Variants in MUSTN1 observed in about 807,000 individuals in gnomAD.
The protein encoded by MUSTN1 is musculoskeletal embryonic nuclear protein 1.
In MUSTN1, 14 loss-of-function variants were observed where a neutral mutation model predicts 11.8. That is an observed-to-expected ratio of 1.18 (90% CI 0.78 to 1.85). MUSTN1 has a LOEUF of 1.85. Ranked by LOEUF, MUSTN1 falls within the 40% of genes most tolerant of loss-of-function variation. The pLI, the probability that MUSTN1 is intolerant of heterozygous loss-of-function variation, is 0.00. For missense variants in MUSTN1, 111 were observed against 108.8 expected, an observed-to-expected ratio of 1.02 and a Z score of -0.09; for synonymous variants, 42 against 43.3, an observed-to-expected ratio of 0.97 and a Z score of 0.12.
At chr3:52,834,319 G>C (rs1020339548) in intron 1 of MUSTN1, among the ~76,000 whole-genome samples, 1 of 152,192 alleles carries the variant, frequency 6.6e-6, no homozygotes, top group East Asian at 1.9e-4. Flanking sequence ...CCTCCAGGGT[G>C]GGGGACACCC....
chr3:52,834,820 G>T (rs1018881350), intron 1 of MUSTN1, 120 bp downstream of exon 1: 1 of 1,250,880 alleles, frequency 8.0e-7, no homozygotes, highest in Non-Finnish European at 1.1e-6. Flanking sequence ...CCCAAGGGCT[G>T]CAGAGCCTCC....
chr3:52,834,652 GCGCA>G (rs1408127371), intron 1 of MUSTN1: 46 of 542,700 alleles, frequency 8.5e-5, no homozygotes, highest in South Asian at 7.0e-4. Context: ...ACACACAGAT[GCGCA>G]CACACACACA....
chr3:52,833,629 T>A lies in MUSTN1; in HGVS notation c.130A>T (p.Met44Leu). 1 of 1,610,808 alleles carries A rather than the reference T, an allele frequency of 6.2e-7. No homozygotes were observed. Among genetic ancestry groups the A allele is most frequent in the Non-Finnish European group, 8.5e-7 (1 of 1,178,616 alleles). The change falls in exon 2 of 3, where the codon ATG (methionine) becomes TTG (leucine). Residue 44 changes from methionine (M) to leucine (L), a missense_variant. Met to Leu is a conservative substitution (Grantham distance 15). Coordinates refer to ENST00000446157, the MANE Select transcript of MUSTN1 (RefSeq NM_205853.4). ...QEIKSKTYQV[M>L]RECEQAGSAA... ...TGAGGACACTCACCACACTCTCGCATGACCTGGTAGGTCTTGGACTTGATT... is the reference window on the plus strand; with the variant it reads ...TGAGGACACTCACCACACTCTCGCAAGACCTGGTAGGTCTTGGACTTGATT...
chr3:52,834,896 C>A, intron 1 of MUSTN1, 44 bp downstream of exon 1: 1 of 1,610,676 alleles, frequency 6.2e-7, no homozygotes, highest in South Asian at 1.1e-5. Flanking sequence ...GACTCCACCT[C>A]CACTCCCTCT....
chr3:52,833,442 G>C lies in MUSTN1; in HGVS notation c.143-12C>G. On this transcript the variant is annotated splice_polypyrimidine_tract_variant and intron_variant, in intron 2 of 2. Coordinates refer to ENST00000446157, the MANE Select transcript of MUSTN1 (RefSeq NM_205853.4). ...CGAGCCAGCTTGCTCTGTGGGAGGA[G>C]GTAAAGTCAGGGGCCAGCCTAGCTT... 1 of 1,608,528 alleles carries C rather than the reference G, an allele frequency of 6.2e-7. No homozygotes were observed. The highest frequency in any genetic ancestry group is 8.5e-7 in the Non-Finnish European group (1 of 1,176,016).
At position 52,833,414 on chromosome 3, in the gene MUSTN1, G is replaced by T; in HGVS notation, c.159C>A (p.Ala53=). 1 of 1,613,088 alleles carries T rather than the reference G, an allele frequency of 6.2e-7. No individual in the cohort carries two copies. Among genetic ancestry groups the T allele is most frequent in the Non-Finnish European group, 8.5e-7 (1 of 1,179,250 alleles). ...GGGTGCGGCTGAACACCGACGGGGC[G>T]GCCGAGCCAGCTTGCTCTGTGGGAG... ...VMRECEQAGS[A]APSVFSRTRT... Residue 53 remains alanine, a synonymous_variant, in exon 3 of 3, where the codon GCC becomes GCA. Transcript: ENST00000446157.
In MUSTN1 at chr3:52,833,477, G is replaced by A. The variant is rs748226693; in HGVS notation, c.143-47C>T. ...GGGGCCAGCCTAGCTTCCTGGGAGG[G>A]AAGATCCCTTACGATGGGAGCACCT... On this transcript the variant is annotated intron_variant, in intron 2 of 2. Coordinates refer to ENST00000446157, the MANE Select transcript of MUSTN1 (RefSeq NM_205853.4). 3.1e-6 allele frequency: 5 copies of A among 1,597,972 alleles called. No individual in the cohort carries two copies. In the Admixed American group the frequency reaches 6.8e-5, roughly 22 times the overall value.
intron 1 of MUSTN1, among the ~76,000 whole-genome samples, chr3:52,834,587 G>A (rs1375026336): frequency 2.0e-5 from 3 of 150,482 alleles, no homozygotes; most frequent in Non-Finnish European, 3.0e-5. Context: ...CATGGCTGCC[G>A]GGCCCATAGC....
intron 1 of MUSTN1, chr3:52,834,699 G>A (rs1279580771): frequency 1.7e-6 from 1 of 587,098 alleles, no homozygotes. Context: ...GATCTATCTA[G>A]GCCCCCCCCA....
chr3:52,833,741 A>G lies in MUSTN1; in HGVS notation c.18T>C (p.Ala6=), dbSNP rs763350828. 30 of 1,581,156 alleles carry G rather than the reference A, an allele frequency of 1.9e-5. No individual in the cohort carries two copies. The East Asian group carries it at 6.9e-4, about 37-fold the overall frequency. Reference sequence around the variant, plus strand: ...GCTTCTTCTTGATAGGGGCTTCCTGAGCACCAGCCTTGGAGATCCAAGAGC... The same window carrying G: ...GCTTCTTCTTGATAGGGGCTTCCTGGGCACCAGCCTTGGAGATCCAAGAGC... MSQAG[A]QEAPIKKKRP... Residue 6 remains alanine (A), a synonymous_variant, in exon 2 of 3, where the codon GCT becomes GCC. Transcript: ENST00000446157.
rs1341304185 is a variant in MUSTN1 at position 52,834,968 on chromosome 3, C to T, written c.-20G>A. The T allele has an allele frequency of 6.2e-7, 1 of 1,613,326 alleles. No homozygotes were observed. Among genetic ancestry groups the T allele is most frequent in the Admixed American group, 1.7e-5 (1 of 59,968 alleles). On this transcript the variant is annotated 5_prime_UTR_variant, in exon 1 of 3. Transcript: ENST00000446157. The stretch of plus-strand genomic sequence containing the variant: ...GGACATGGTGGGTATTGTGTAAGCG[C>T]TGGGTCTCTGAAGGCGCCTCTCTGG...
chr3:52,834,917 C>T (rs1700672593), intron 1 of MUSTN1, 23 bp downstream of exon 1: 7 of 1,613,056 alleles, frequency 4.3e-6, no homozygotes, highest in Non-Finnish European at 5.9e-6. Context: ...GGCATCAACA[C>T]AGCCCTTGCT....
Position 52,834,654 on chromosome 3 carries a change from GCA to G in MUSTN1, c.9+284_9+285del, listed in dbSNP as rs71087024. 4.3e-3 allele frequency: 2,511 copies of G among 584,906 alleles called. 41 individuals carry two copies. Among genetic ancestry groups the G allele is most frequent in the African/African-American group, 0.042 (2,200 of 52,274 alleles). 36.2% of individuals were successfully genotyped at this position (584,906 alleles called of 1,614,324 possible). A position where few individuals can be genotyped will look rare whatever the true frequency, so the allele number is the denominator to read the frequency against. On this transcript the variant is annotated intron_variant, in intron 1 of 2. Transcript: ENST00000446157. ...ATATCGGCAGCACACACACAGATGCGCACACACACACACACACACACAGGCAC... is the reference window on the plus strand; with the variant it reads ...ATATCGGCAGCACACACACAGATGCGCACACACACACACACACACAGGCAC...
At position 52,833,638 on chromosome 3, in the gene MUSTN1, A is replaced by G. The variant is rs1700638122; in HGVS notation, c.121T>C (p.Tyr41His). The change falls in exon 2 of 3, where the codon TAC (tyrosine) becomes CAC (histidine). Residue 41 changes from tyrosine to histidine, a missense_variant. By Grantham distance (83) the Tyr-to-His change is moderately conservative. Transcript: ENST00000446157. ...TCACCACACTCTCGCATGACCTGGTAGGTCTTGGACTTGATTTCCTGGTTC... is the reference window on the plus strand; with the variant it reads ...TCACCACACTCTCGCATGACCTGGTGGGTCTTGGACTTGATTTCCTGGTTC... ...TKNQEIKSKT[Y>H]QVMRECEQAG... The G allele has an allele frequency of 6.2e-7, 1 of 1,610,234 alleles. No homozygotes were observed. Among genetic ancestry groups the G allele is most frequent in the Non-Finnish European group, 8.5e-7 (1 of 1,178,352 alleles).
Position 52,833,187 on chromosome 3 carries a change from G to GA in MUSTN1, c.*136dup, listed in dbSNP as rs1196567794. ...AGGTGCTGGTGCAGAGCCCTTGGCT[G>GA]AAGGGCCTGGACTGTGGGGGAGGGT... On this transcript the variant is annotated 3_prime_UTR_variant, in exon 3 of 3. Transcript: ENST00000446157. The GA allele has an allele frequency of 4.6e-6, 6 of 1,306,758 alleles. No individual in the cohort carries two copies. The highest frequency in any genetic ancestry group is 6.4e-6 in the Non-Finnish European group (6 of 930,644). The allele number at this position is 1,306,758 out of a possible 1,614,324, so 80.9% of individuals were successfully genotyped here.
chr3:52,834,457 C>A (rs576562954), intron 1 of MUSTN1, among the ~76,000 whole-genome samples: 1 of 152,260 alleles, frequency 6.6e-6, no homozygotes, highest in South Asian at 2.1e-4. Context: ...ACACACTATA[C>A]CCCTGTACAG....
Position 52,833,245 on chromosome 3 carries a change from G to A in MUSTN1, c.*79C>T, listed in dbSNP as rs1230351074. Reference sequence around the variant, plus strand: ...CCAGAGACAGCAGGGGAGAGGAAGCGTTCTGGCATAAAAAAGAGTTCCTGG... The same window carrying A: ...CCAGAGACAGCAGGGGAGAGGAAGCATTCTGGCATAAAAAAGAGTTCCTGG... On this transcript the variant is annotated 3_prime_UTR_variant, in exon 3 of 3. Coordinates refer to ENST00000446157, the MANE Select transcript of MUSTN1 (RefSeq NM_205853.4). 1.4e-5 allele frequency: 22 copies of A among 1,576,116 alleles called. No homozygotes were observed. The highest frequency in any genetic ancestry group is 1.7e-4 in the Middle Eastern group (1 of 6,040).
chr3:52,833,850 C>A (rs1168607319), intron 1 of MUSTN1, 101 bp from the exon 2 acceptor site: 3 of 1,479,152 alleles, frequency 2.0e-6, no homozygotes, highest in Non-Finnish European at 2.7e-6. Flanking sequence ...GCTCATTAAA[C>A]CCAAGCCTAT....
Position 52,833,269 on chromosome 3 carries a change from G to A in MUSTN1, c.*55C>T, listed in dbSNP as rs1450100778. 2 of 1,608,744 alleles carry A rather than the reference G, an allele frequency of 1.2e-6. No individual in the cohort carries two copies. The highest frequency in any genetic ancestry group is 1.7e-6 in the Non-Finnish European group (2 of 1,177,370). On this transcript the variant is annotated 3_prime_UTR_variant, in exon 3 of 3. Coordinates refer to ENST00000446157, the MANE Select transcript of MUSTN1 (RefSeq NM_205853.4). ...CGTTCTGGCATAAAAAAGAGTTCCT[G>A]GGAAAGGCTCCTGTTTCCGAGCATT...
Sources: gnomAD v4.1 joint callset for allele counts (sites outside exome capture counted in the v4.1 genomes callset) on GRCh38, gnomAD v4.1.1 for gene constraint, MANE v1.5 for transcripts, NCBI Gene and HGNC (gene_info 2026-07-23, HGNC 2026-07-21) for gene names.